GRXCR1: variants seen among roughly 807,000 people sequenced by gnomAD.
GRXCR1 encodes the protein glutaredoxin domain-containing cysteine-rich protein 1.
GRXCR1 carries 27 observed loss-of-function variants against 27.3 expected under a neutral mutation model. The observed-to-expected ratio is 0.99, with a 90% CI of 0.73 to 1.37. The LOEUF is 1.37. GRXCR1 is among the 40% of genes most tolerant of loss of function. The pLI is 0.00. For missense variants in GRXCR1, 379 were observed against 354.4 expected (o/e 1.07, Z -0.56); for synonymous variants, 122 against 131.1 (o/e 0.93, Z 0.47).
intron 1 of GRXCR1, among the ~76,000 whole-genome samples, chr4:42,909,243 G>T (rs1230567840): frequency 6.6e-6 from 1 of 152,144 alleles, no homozygotes; most frequent in Non-Finnish European, 1.5e-5. Flanking sequence ...ATTGCTGTCA[G>T]ATTTGTCTAA....
At chr4:42,914,886 A>C (rs1368254681) in intron 1 of GRXCR1, among the ~76,000 whole-genome samples, 2 of 151,990 alleles carry the variant, frequency 1.3e-5, no homozygotes, top group Non-Finnish European at 1.5e-5. Context: ...ATGTGATCTG[A>C]TGGTTTTATA....
At chr4:42,938,040 T>C (rs1747501171) in intron 1 of GRXCR1, among the ~76,000 whole-genome samples, 1 of 152,006 alleles carries the variant, frequency 6.6e-6, no homozygotes, top group South Asian at 2.1e-4. Flanking sequence ...ACTATATTTT[T>C]GTACTCACTG....
At chr4:42,989,777 T>C (rs1354972937) in intron 2 of GRXCR1, among the ~76,000 whole-genome samples, 1 of 152,178 alleles carries the variant, frequency 6.6e-6, no homozygotes, top group Non-Finnish European at 1.5e-5. Flanking sequence ...TAAACAAGTG[T>C]TTCTTCTTTC....
intron 1 of GRXCR1, among the ~76,000 whole-genome samples, chr4:42,907,894 G>A (rs1222205947): frequency 6.6e-6 from 1 of 152,172 alleles, no homozygotes; most frequent in East Asian, 1.9e-4. Context: ...CTCCATGTGA[G>A]TGACTGGGAG....
intron 1 of GRXCR1, among the ~76,000 whole-genome samples, chr4:42,896,298 A>G (rs1270035746): frequency 6.6e-6 from 1 of 152,160 alleles, no homozygotes; most frequent in Non-Finnish European, 1.5e-5. Flanking sequence ...ACTTACTTAG[A>G]AAGTTGTCTA....
At chr4:42,998,386 A>G (rs1297963734) in intron 2 of GRXCR1, among the ~76,000 whole-genome samples, 1 of 152,236 alleles carries the variant, frequency 6.6e-6, no homozygotes, top group African/African-American at 2.4e-5. Flanking sequence ...TTATTCATGT[A>G]CAAATGTTCC....
chr4:42,963,097 C>G lies in GRXCR1; in HGVS notation c.590C>G (p.Ser197Cys). 6.2e-7 allele frequency: 1 copy of G among 1,612,798 alleles called. No homozygotes were observed. The highest frequency in any genetic ancestry group is 8.5e-7 in the Non-Finnish European group (1 of 1,179,030). Residue 197 changes from serine (S) to cysteine (C), a missense_variant, in exon 2 of 4, where the codon TCC (serine) becomes TGC (cysteine). Transcript: ENST00000399770. ...TGCCGACGAGTTTCTGAAGCTCCTT[C>G]CCTCCCTGTTGTGTTCATTGATGGC... is the stretch of plus-strand genomic sequence containing the variant. ...ERCRRVSEAP[S>C]LPVVFIDGHY...
chr4:42,969,205 G>A (rs1748322776), intron 2 of GRXCR1, among the ~76,000 whole-genome samples: 1 of 152,144 alleles, frequency 6.6e-6, no homozygotes, highest in African/African-American at 2.4e-5. Flanking sequence ...TTTTGAAAGT[G>A]TTCTGTTTTA....
intron 3 of GRXCR1, among the ~76,000 whole-genome samples, chr4:43,027,981 C>T (rs1035749268): frequency 6.6e-6 from 1 of 152,016 alleles, no homozygotes; most frequent in Non-Finnish European, 1.5e-5. Flanking sequence ...TGGTGACATG[C>T]ACCTGTAATC....
chr4:42,987,002 A>ATGTGTG (rs36224914), intron 2 of GRXCR1, among the ~76,000 whole-genome samples: 23,272 of 140,734 alleles, frequency 0.17, 1,946 homozygotes, highest in African/African-American at 0.22. Context: ...AGATATGTGT[A>ATGTGTG]TGTGTGTGTG....
chr4:42,905,588 G>T (rs1427608906), intron 1 of GRXCR1, among the ~76,000 whole-genome samples: 1 of 152,102 alleles, frequency 6.6e-6, no homozygotes, highest in Admixed American at 6.6e-5. Flanking sequence ...CCGTTGTTCT[G>T]TCTGGTCATT....
intron 2 of GRXCR1, among the ~76,000 whole-genome samples, chr4:42,998,691 A>G (rs897520552): frequency 6.6e-6 from 1 of 152,224 alleles, no homozygotes; most frequent in Admixed American, 6.5e-5. Flanking sequence ...TCTGTCCCAA[A>G]CATTTCATGT....
At chr4:42,936,057 A>G (rs1747451390) in intron 1 of GRXCR1, among the ~76,000 whole-genome samples, 3 of 151,892 alleles carry the variant, frequency 2.0e-5, no homozygotes, top group Admixed American at 6.6e-5. Context: ...CTAAATATTT[A>G]CCAGCTATGC....
At chr4:42,986,597 C>A (rs1005647128) in intron 2 of GRXCR1, among the ~76,000 whole-genome samples, 8 of 152,106 alleles carry the variant, frequency 5.3e-5, no homozygotes, top group African/African-American at 1.9e-4. Context: ...CTGCTGAATG[C>A]CGATCTATAC....
At chr4:42,989,569 T>C (rs1711897407) in intron 2 of GRXCR1, among the ~76,000 whole-genome samples, 1 of 152,226 alleles carries the variant, frequency 6.6e-6, no homozygotes, top group Non-Finnish European at 1.5e-5. Flanking sequence ...GCTGTTGAGC[T>C]CCTATGAGCT....
chr4:42,987,222 T>TTTATATATTATATA lies in GRXCR1; in HGVS notation c.627+24089_627+24090insTATATATTATATAT, dbSNP rs1553943894. On this transcript the variant is annotated intron_variant, in intron 2 of 3. Coordinates refer to ENST00000399770, the MANE Select transcript of GRXCR1 (RefSeq NM_001080476.3). ...TTTTCATATATATATTATATATATA[T>TTTATATATTATATA]TATATATTATATATATATAATATAT... Among the ~76,000 whole-genome samples, 83 of 100,572 alleles carry TTTATATATTATATA rather than the reference T, an allele frequency of 8.3e-4. 1 individual carries two copies. Among genetic ancestry groups the TTTATATATTATATA allele is most frequent in the African/African-American group, 2.8e-3 (74 of 26,160 alleles). 66.0% of individuals were successfully genotyped at this position (100,572 alleles called of 152,430 possible).
chr4:42,975,203 T>C (rs182774047), intron 2 of GRXCR1, among the ~76,000 whole-genome samples: 4 of 152,206 alleles, frequency 2.6e-5, no homozygotes, highest in African/African-American at 9.6e-5. Flanking sequence ...AACCAAAAAG[T>C]AAGGTTACAA....
At chr4:43,000,029 AT>A (rs1337338977) in intron 2 of GRXCR1, among the ~76,000 whole-genome samples, 1 of 152,238 alleles carries the variant, frequency 6.6e-6, no homozygotes, top group Non-Finnish European at 1.5e-5. Context: ...TAAATGGAAA[AT>A]TCCAGAAATA....
chr4:42,910,104 G>A (rs1403576916), intron 1 of GRXCR1, among the ~76,000 whole-genome samples: 1 of 152,140 alleles, frequency 6.6e-6, no homozygotes, highest in African/African-American at 2.4e-5. Flanking sequence ...CAGCAGACGA[G>A]AGGGAAGAGT....
Sources: allele counts gnomAD v4.1 joint callset (sites outside exome capture counted in the v4.1 genomes callset), GRCh38; gene constraint gnomAD v4.1.1; transcripts MANE v1.5; gene names NCBI Gene and HGNC (gene_info 2026-07-23, HGNC 2026-07-21).